The following CFAP58 variants were observed in gnomAD, a reference collection of about 807,000 sequenced individuals.
CFAP58 encodes the protein cilia and flagella associated protein 58.
CFAP58 carries 88 observed loss-of-function variants against 119.5 expected under a neutral mutation model. The observed-to-expected ratio is 0.74, with a 90% CI of 0.62 to 0.88. CFAP58 has a LOEUF of 0.88. Among genes scored for constraint, CFAP58 ranks in the 40% least tolerant of loss-of-function variants. The probability of loss-of-function intolerance (pLI) is 0.00; values close to 1 mark genes in which losing one functional copy is unlikely to be tolerated. For missense variants in CFAP58, 990 were observed against 1,021.2 expected (o/e 0.97, Z 0.42); for synonymous variants, 365 against 366.3 (o/e 1.00, Z 0.04).
intron 1 of CFAP58, among the ~76,000 whole-genome samples, chr10:104,357,970 CATATGTACAT>C (rs1175637240): frequency 7.6e-5 from 8 of 105,512 alleles, no homozygotes; most frequent in African/African-American, 3.1e-4. Context: ...TATATGTACA[CATATGTACAT>C]ATGTACACAT....
In CFAP58 at chr10:104,427,960, G is replaced by A. The variant is rs573114400; in HGVS notation, c.2257-19738G>A. 6.6e-5 allele frequency among the ~76,000 whole-genome samples: 10 copies of A among 152,352 alleles called. No individual in the cohort carries two copies. In the East Asian group the frequency reaches 1.9e-3, roughly 29 times the overall value. On this transcript the variant is annotated intron_variant, in intron 15 of 17. Coordinates refer to ENST00000369704, the MANE Select transcript of CFAP58 (RefSeq NM_001008723.2). ...TAGAGAAACTGGCTGTTGTGTGAGAGTGGGTAGTGTGCTGTTGAGGGGATG... is the reference window on the plus strand; with the variant it reads ...TAGAGAAACTGGCTGTTGTGTGAGAATGGGTAGTGTGCTGTTGAGGGGATG...
chr10:104,383,073 G>T (rs553205414), intron 9 of CFAP58, among the ~76,000 whole-genome samples: 1 of 152,158 alleles, frequency 6.6e-6, no homozygotes, highest in Non-Finnish European at 1.5e-5. Context: ...CAGCAGTTGG[G>T]ATACTCTGCA....
intron 16 of CFAP58, 52 bp downstream of exon 16, chr10:104,447,869 G>T (rs1185847488): frequency 6.5e-7 from 1 of 1,536,350 alleles, no homozygotes; most frequent in Non-Finnish European, 8.8e-7. Context: ...ACACTCTGGG[G>T]AGCACACCTG....
intron 7 of CFAP58, among the ~76,000 whole-genome samples, chr10:104,374,453 GAAA>G (rs71022730): frequency 7.2e-4 from 22 of 30,714 alleles, no homozygotes; most frequent in African/African-American, 2.6e-3. Context: ...CTTGTTTCAG[GAAA>G]AAAAAAAAAA....
intron 3 of CFAP58, 131 bp from the exon 4 acceptor site, chr10:104,364,602 T>C: frequency 2.7e-6 from 2 of 737,016 alleles, no homozygotes; most frequent in Non-Finnish European, 2.2e-6. Flanking sequence ...ATAAAGATCT[T>C]TCTCTTTAAT....
chr10:104,425,680 G>T (rs1300216664), intron 15 of CFAP58, among the ~76,000 whole-genome samples: 1 of 152,196 alleles, frequency 6.6e-6, no homozygotes, highest in African/African-American at 2.4e-5. Context: ...CAGAGTCGGG[G>T]CCCAAACCCG....
the CFAP58 span, among the ~76,000 whole-genome samples, chr10:104,341,146 C>T: frequency 1.1e-4 from 17 of 152,186 alleles, no homozygotes; most frequent in South Asian, 1.0e-3. Flanking sequence ...ACGTAAAATT[C>T]GGTTGTTTAT....
intron 9 of CFAP58, among the ~76,000 whole-genome samples, chr10:104,388,944 A>G (rs1434679580): frequency 6.6e-6 from 1 of 152,008 alleles, no homozygotes; most frequent in Non-Finnish European, 1.5e-5. Flanking sequence ...CTGTAATAAA[A>G]CTTTCTATAT....
At chr10:104,432,965 T>A (rs1431208432) in intron 15 of CFAP58, among the ~76,000 whole-genome samples, 1 of 152,222 alleles carries the variant, frequency 6.6e-6, no homozygotes, top group African/African-American at 2.4e-5. Context: ...TGTGTCAATA[T>A]GTCTGTGATG....
At chr10:104,441,605 A>C (rs777371591) in intron 15 of CFAP58, among the ~76,000 whole-genome samples, 3 of 152,244 alleles carry the variant, frequency 2.0e-5, no homozygotes, top group Non-Finnish European at 4.4e-5. Flanking sequence ...TCTCTCAAGA[A>C]AGCTTGTGTT....
intron 1 of CFAP58, among the ~76,000 whole-genome samples, chr10:104,356,941 A>G (rs556637191): frequency 2.0e-5 from 3 of 152,346 alleles, no homozygotes; most frequent in South Asian, 4.1e-4. Context: ...TATATTAACC[A>G]TACCCATTCT....
intron 17 of CFAP58, among the ~76,000 whole-genome samples, chr10:104,451,491 T>C (rs552740935): frequency 5.9e-5 from 9 of 152,346 alleles, no homozygotes; most frequent in Admixed American, 4.6e-4. Flanking sequence ...TATTTCCAGA[T>C]ACTTGGATTC....
intron 3 of CFAP58, among the ~76,000 whole-genome samples, chr10:104,363,278 A>G (rs1476549316): frequency 2.0e-5 from 3 of 152,238 alleles, no homozygotes; most frequent in Admixed American, 2.0e-4. Context: ...CCAGGAGCCC[A>G]GCACTGTGTG....
At chr10:104,363,019 T>C (rs548766797) in intron 3 of CFAP58, among the ~76,000 whole-genome samples, 10 of 152,316 alleles carry the variant, frequency 6.6e-5, no homozygotes, top group Non-Finnish European at 1.0e-4. Context: ...GGTCAACTTT[T>C]ATGCCTTCTT....
intron 15 of CFAP58, among the ~76,000 whole-genome samples, chr10:104,447,224 C>G (rs1179223637): frequency 6.6e-6 from 1 of 151,826 alleles, no homozygotes; most frequent in African/African-American, 2.4e-5. Context: ...CACTATGTTG[C>G]CCATGTTCAT....
chr10:104,406,483 C>T (rs569542577), intron 14 of CFAP58, among the ~76,000 whole-genome samples: 2 of 152,290 alleles, frequency 1.3e-5, no homozygotes, highest in South Asian at 4.1e-4. Flanking sequence ...ATAGAAAAAA[C>T]ACTAGGAAAA....
chr10:104,358,086 C>CACACATATATATGTACATATAT (rs761456865), intron 1 of CFAP58, among the ~76,000 whole-genome samples: 35 of 136,946 alleles, frequency 2.6e-4, no homozygotes, highest in East Asian at 1.6e-3. Context: ...CATATATATA[C>CACACATATATATGTACATATAT]ACACATATAT....
In CFAP58 at chr10:104,400,820, G is replaced by A. The variant is rs763805098; in HGVS notation, c.1956G>A (p.Met652Ile). The change falls in exon 13 of 18, where the codon ATG becomes ATA. Residue 652 changes from methionine (M) to isoleucine (I), a missense_variant. Met to Ile is a conservative substitution (Grantham distance 10). Transcript: ENST00000369704. The part of the protein sequence containing the change: ...ESQYNQRLED[M>I]RILRLEIKKL... Reference sequence around the variant, plus strand: ...AGTACAACCAGAGGTTGGAGGACATGAGAATCCTCAGACTTGAGATCAAGA... The same window carrying A: ...AGTACAACCAGAGGTTGGAGGACATAAGAATCCTCAGACTTGAGATCAAGA... The A allele has an allele frequency of 6.2e-7, 1 of 1,614,190 alleles. No individual in the cohort carries two copies. Among genetic ancestry groups the A allele is most frequent in the Admixed American group, 1.7e-5 (1 of 60,024 alleles).
At chr10:104,447,935 A>C (rs2013136972) in intron 16 of CFAP58, 118 bp downstream of exon 16, 1 of 1,296,758 alleles carries the variant, frequency 7.7e-7, no homozygotes, top group Admixed American at 2.7e-5. Context: ...CGATCCTCTG[A>C]GGTCAGCTCC....
Sources: gnomAD v4.1 joint callset for allele counts (sites outside exome capture counted in the v4.1 genomes callset) on GRCh38, gnomAD v4.1.1 for gene constraint, MANE v1.5 for transcripts, NCBI Gene and HGNC (gene_info 2026-07-23, HGNC 2026-07-21) for gene names.